DPP6: variants seen among roughly 807,000 people sequenced by gnomAD.
The protein encoded by DPP6 is dipeptidyl peptidase like 6.
Under a neutral mutation model 122.6 loss-of-function variants are expected in DPP6, and 69 were observed. The observed-to-expected ratio is 0.56, with a 90% confidence interval of 0.46 to 0.69. The LOEUF (loss-of-function observed/expected upper bound fraction) is 0.69, where lower values mean the gene tolerates loss of function less well. DPP6 is among the 30% of genes least tolerant of loss of function. The pLI is 0.00. For missense variants in DPP6, 928 were observed against 1,116.9 expected (o/e 0.83, Z 2.41); for synonymous variants, 418 against 433.1 (o/e 0.97, Z 0.43).
At chr7:154,564,727 T>C (rs1374521071) in intron 4 of DPP6, among the ~76,000 whole-genome samples, 1 of 152,216 alleles carries the variant, frequency 6.6e-6, no homozygotes, top group Non-Finnish European at 1.5e-5. Context: ...TATTTCCAAA[T>C]TCAACCATGT....
At chr7:154,652,635 A>C (rs1031590633) in intron 6 of DPP6, among the ~76,000 whole-genome samples, 6 of 152,078 alleles carry the variant, frequency 3.9e-5, no homozygotes, top group African/African-American at 1.4e-4. Context: ...AAGCTGCTAC[A>C]TGTGCACCAT....
intron 7 of DPP6, among the ~76,000 whole-genome samples, chr7:154,679,999 A>G (rs1173187953): frequency 6.6e-6 from 1 of 152,218 alleles, no homozygotes; most frequent in African/African-American, 2.4e-5. Context: ...GGTAATTAAT[A>G]GGAATGGATG....
rs1019505922 is a variant in DPP6 at position 154,707,970 on chromosome 7, T to G, written c.763-19797T>G. The stretch of plus-strand genomic sequence containing the variant: ...CACAGCCAAACCATGTCATCCTCTA[T>G]CCATCCGTTACAAGCCAGTATAACA... On this transcript the variant is annotated intron_variant, in intron 7 of 25. Coordinates refer to ENST00000377770, the MANE Select transcript of DPP6 (RefSeq NM_130797.4). Among the ~76,000 whole-genome samples, 5 of 152,080 alleles carry G rather than the reference T, an allele frequency of 3.3e-5. 1 individual carries two copies. Among genetic ancestry groups the G allele is most frequent in the Admixed American group, 3.3e-4 (5 of 15,262 alleles).
intron 3 of DPP6, among the ~76,000 whole-genome samples, chr7:154,501,371 A>G (rs1825228537): frequency 1.3e-5 from 2 of 152,210 alleles, no homozygotes; most frequent in South Asian, 4.1e-4. Context: ...AGGCCATGTC[A>G]GAGTCATCAC....
chr7:154,816,593 G>A (rs1799438579), intron 16 of DPP6, among the ~76,000 whole-genome samples: 1 of 121,976 alleles, frequency 8.2e-6, no homozygotes, highest in Admixed American at 9.0e-5. Context: ...CATAGTGAGT[G>A]TTTAATAATA....
intron 1 of DPP6, among the ~76,000 whole-genome samples, chr7:154,264,412 GT>G (rs1391516008): frequency 6.6e-6 from 1 of 152,066 alleles, no homozygotes; most frequent in Non-Finnish European, 1.5e-5. Context: ...AAAGGCTTGA[GT>G]TTAATCCTTG....
intron 1 of DPP6, among the ~76,000 whole-genome samples, chr7:154,356,266 GT>G (rs1586037625): frequency 1.3e-5 from 2 of 152,214 alleles, no homozygotes; most frequent in East Asian, 1.9e-4. Flanking sequence ...ATTTTATACA[GT>G]TTTGTAATTT....
chr7:154,824,755 G>A (rs1800031399), intron 16 of DPP6, among the ~76,000 whole-genome samples: 1 of 152,222 alleles, frequency 6.6e-6, no homozygotes, highest in African/African-American at 2.4e-5. Context: ...TTCCCTGGCT[G>A]TGCATTTCTG....
chr7:154,474,833 G>A (rs1822583636), intron 2 of DPP6, 106 bp from the exon 3 acceptor site: 2 of 821,216 alleles, frequency 2.4e-6, no homozygotes, highest in Non-Finnish European at 3.9e-6. Context: ...GACGTCATGT[G>A]TGTTCCCATC....
the DPP6 span, among the ~76,000 whole-genome samples, chr7:153,867,217 T>C: frequency 6.6e-6 from 1 of 152,200 alleles, no homozygotes; most frequent in African/African-American, 2.4e-5. Flanking sequence ...GGGGATGGCA[T>C]TGAATCTATA....
In DPP6 at chr7:154,727,851, G is replaced by T; in HGVS notation, c.847G>T (p.Val283Leu). The change falls in exon 8 of 26, where the codon GTG (valine) becomes TTG (leucine). Residue 283 changes from valine to leucine, a missense_variant. By Grantham distance (32) the Val-to-Leu change is conservative (BLOSUM62 1). Transcript: ENST00000377770. The stretch of plus-strand genomic sequence containing the variant: ...TGTGGTCTCCACTGGCAAGGAAGGT[G>T]TGATTTACAATGGCCTCAGTGACTG... ...IRVVSTGKEG[V>L]IYNGLSDWLY... The T allele has an allele frequency of 6.2e-7, 1 of 1,613,892 alleles. No homozygotes were observed. Among genetic ancestry groups the T allele is most frequent in the Non-Finnish European group, 8.5e-7 (1 of 1,179,808 alleles).
intron 1 of DPP6, among the ~76,000 whole-genome samples, chr7:154,130,028 G>A (rs984554762): frequency 6.6e-6 from 1 of 150,524 alleles, no homozygotes; most frequent in Non-Finnish European, 1.5e-5. Flanking sequence ...GTGGGAGGTT[G>A]CAGTGAGCCG....
At chr7:153,759,175 G>GGTTAAA in the DPP6 span, among the ~76,000 whole-genome samples, 2 of 151,774 alleles carry the variant, frequency 1.3e-5, no homozygotes, top group Admixed American at 1.3e-4. Flanking sequence ...ATATCCTCTT[G>GGTTAAA]GCTAAAGGGT....
chr7:154,148,798 G>GT (rs1796255685), intron 1 of DPP6, among the ~76,000 whole-genome samples: 1 of 152,232 alleles, frequency 6.6e-6, no homozygotes, highest in African/African-American at 2.4e-5. Flanking sequence ...TGTATTAGCT[G>GT]TTCTCACGCC....
chr7:154,763,448 G>T (rs1435075495), intron 8 of DPP6, among the ~76,000 whole-genome samples: 2 of 152,180 alleles, frequency 1.3e-5, no homozygotes, highest in Non-Finnish European at 2.9e-5. Context: ...CGAGGGAAGA[G>T]AGAGAGATGA....
At position 154,587,807 on chromosome 7, in the gene DPP6, C is replaced by T. The variant is rs35392762; in HGVS notation, c.627+20891C>T. On this transcript the variant is annotated intron_variant, in intron 5 of 25. Transcript: ENST00000377770. ...CTTCACTGCCTGCGTGACTATGTCT[C>T]GGCAGTCAATGGATACAGCACAGCA... 0.094 allele frequency: 152,327 copies of T among 1,612,314 alleles called. 7,852 individuals carry two copies. Among genetic ancestry groups the T allele is most frequent in the Admixed American group, 0.17 (10,097 of 59,886 alleles).
chr7:154,079,590 C>T (rs188188893), intron 1 of DPP6, among the ~76,000 whole-genome samples: 2 of 152,202 alleles, frequency 1.3e-5, no homozygotes, highest in East Asian at 1.9e-4. Context: ...GGAACAAGCA[C>T]GGCCCCTTTG....
At position 154,076,318 on chromosome 7, in the gene DPP6, C is replaced by T. The variant is rs1184790908; in HGVS notation, c.243+23255C>T. Among the ~76,000 whole-genome samples, 18 of 151,954 alleles carry T rather than the reference C, an allele frequency of 1.2e-4. No homozygotes were observed. The South Asian group carries it at 2.5e-3, about 21-fold the overall frequency. Reference sequence around the variant, plus strand: ...TACAAAAATTAGCCATGCACAGTGGCGGGTGCCTGTAATCCCAGCTACTCG... The same window carrying T: ...TACAAAAATTAGCCATGCACAGTGGTGGGTGCCTGTAATCCCAGCTACTCG... On this transcript the variant is annotated intron_variant, in intron 1 of 25. Transcript: ENST00000377770.
At chr7:154,750,192 G>C (rs1206463135) in intron 8 of DPP6, among the ~76,000 whole-genome samples, 2 of 152,196 alleles carry the variant, frequency 1.3e-5, no homozygotes, top group Non-Finnish European at 2.9e-5. Context: ...TACAGAGAAA[G>C]GCTCCATCCA....
Sources: allele counts gnomAD v4.1 joint callset (sites outside exome capture counted in the v4.1 genomes callset), GRCh38; gene constraint gnomAD v4.1.1; transcripts MANE v1.5; gene names NCBI Gene and HGNC (gene_info 2026-07-23, HGNC 2026-07-21).